The following TBC1D22B variants were observed in gnomAD, a reference collection of about 807,000 sequenced individuals.
TBC1D22B encodes chromosome 6 open reading frame 197.
In TBC1D22B, 32 loss-of-function variants were observed where a neutral mutation model predicts 69.1. The ratio of observed to expected loss-of-function variants is 0.46; its 90% CI spans 0.35 to 0.62. The LOEUF is 0.62. TBC1D22B is among the 20% of genes least tolerant of loss of function. The pLI is 0.00. For synonymous variants in TBC1D22B, 206 were observed against 229.8 expected (o/e 0.90, Z 0.94); for missense variants, 462 against 630.9 (o/e 0.73, Z 2.87).
intron 5 of TBC1D22B, 93 bp from the exon 6 acceptor site, chr6:37,284,243 G>C (rs1766935073): frequency 1.9e-6 from 3 of 1,588,440 alleles, no homozygotes; most frequent in Non-Finnish European, 2.6e-6. Context: ...TTTCCTTCTT[G>C]GTAGTTTCCA....
intron 7 of TBC1D22B, among the ~76,000 whole-genome samples, chr6:37,288,340 C>G (rs1299819393): frequency 1.3e-5 from 2 of 152,184 alleles, no homozygotes; most frequent in African/African-American, 4.8e-5. Context: ...CTCATTTTAA[C>G]TTGGAGATGT....
chr6:37,282,878 A>G lies in TBC1D22B; in HGVS notation c.602-4A>G. 3.7e-6 allele frequency: 6 copies of G among 1,614,054 alleles called. No homozygotes were observed. The highest frequency in any genetic ancestry group is 5.1e-6 in the Non-Finnish European group (6 of 1,179,936). ...AACCTAACAAGGCTGTTTTCTATTT[A>G]CAGATGAACTGAGGAAGTGTAGCTG... On this transcript the variant is annotated splice_polypyrimidine_tract_variant and splice_region_variant and intron_variant, in intron 4 of 12. Transcript: ENST00000373491.
chr6:37,279,623 C>G lies in TBC1D22B; in HGVS notation c.421+12C>G, dbSNP rs550569969. 1.9e-6 allele frequency: 3 copies of G among 1,595,314 alleles called. No individual in the cohort carries two copies. Among genetic ancestry groups the G allele is most frequent in the Admixed American group, 3.5e-5 (2 of 57,130 alleles). On this transcript the variant is annotated intron_variant, in intron 3 of 12. Transcript: ENST00000373491. ...GTCCAGAAACTCTAGTAAGTCCTTC[C>G]TGCTCCCTTCATAGCCTCAGCCTTC...
At position 37,269,717 on chromosome 6, in the gene TBC1D22B, G is replaced by A. The variant is rs527615450; in HGVS notation, c.113+67G>A. On this transcript the variant is annotated intron_variant, in intron 2 of 12. Transcript: ENST00000373491. Reference sequence around the variant, plus strand: ...CCCCTATACCCTCCCCTATTTTGTTGAAATGACAGTTTCCACCTTGACATT... The same window carrying A: ...CCCCTATACCCTCCCCTATTTTGTTAAAATGACAGTTTCCACCTTGACATT... The A allele has an allele frequency of 1.1e-5, 16 of 1,475,096 alleles. No homozygotes were observed. In the East Asian group the frequency reaches 3.4e-4, roughly 31 times the overall value. The allele number at this position is 1,475,096 out of a possible 1,614,324, so 91.4% of individuals were successfully genotyped here. A position where few individuals can be genotyped will look rare whatever the true frequency, so the allele number is the denominator to read the frequency against.
At chr6:37,323,070 G>A (rs1768295822) in intron 12 of TBC1D22B, among the ~76,000 whole-genome samples, 1 of 151,862 alleles carries the variant, frequency 6.6e-6, no homozygotes, top group South Asian at 2.1e-4. Context: ...ATTCTAAAAA[G>A]TCATCTCGGG....
chr6:37,317,779 G>A (rs1481683311), intron 12 of TBC1D22B, among the ~76,000 whole-genome samples: 1 of 152,146 alleles, frequency 6.6e-6, no homozygotes, highest in Non-Finnish European at 1.5e-5. Flanking sequence ...GCAAAGACCT[G>A]GGGAAGGTGA....
intron 8 of TBC1D22B, chr6:37,295,639 G>A: frequency 2.3e-6 from 1 of 434,604 alleles, no homozygotes; most frequent in South Asian, 1.9e-5. Flanking sequence ...CAATGGCACT[G>A]TCATCAAGGT....
intron 12 of TBC1D22B, among the ~76,000 whole-genome samples, chr6:37,325,540 C>CT (rs70977648): frequency 0.011 from 835 of 77,162 alleles, 50 homozygotes; most frequent in Non-Finnish European, 0.016. Context: ...ATCGTTTCTA[C>CT]TTTTTTTTTT....
chr6:37,307,768 G>A (rs550388004), intron 8 of TBC1D22B, among the ~76,000 whole-genome samples: 1 of 152,322 alleles, frequency 6.6e-6, no homozygotes, highest in East Asian at 1.9e-4. Context: ...GCCATCTGCA[G>A]CTGAGGCGTT....
chr6:37,293,637 G>A (rs1020698851), intron 8 of TBC1D22B, among the ~76,000 whole-genome samples: 2 of 152,120 alleles, frequency 1.3e-5, no homozygotes, highest in Non-Finnish European at 2.9e-5. Context: ...AAGTGTTCAA[G>A]GGAAAGGAAG....
At chr6:37,298,545 T>G (rs1158614001) in intron 8 of TBC1D22B, among the ~76,000 whole-genome samples, 6 of 138,920 alleles carry the variant, frequency 4.3e-5, no homozygotes, top group South Asian at 2.4e-4. Flanking sequence ...TACAGTTTTT[T>G]TTTTTTTTTT....
At chr6:37,299,333 T>C (rs1311310877) in intron 8 of TBC1D22B, among the ~76,000 whole-genome samples, 1 of 152,260 alleles carries the variant, frequency 6.6e-6, no homozygotes, top group East Asian at 1.9e-4. Flanking sequence ...GTGTTAAAAA[T>C]ATTAGGTTGA....
intron 1 of TBC1D22B, chr6:37,258,290 T>G: frequency 6.0e-6 from 2 of 334,712 alleles, no homozygotes; most frequent in Admixed American, 4.7e-5. Context: ...GTCTCGGAAG[T>G]TCCTCCCCAG....
intron 7 of TBC1D22B, among the ~76,000 whole-genome samples, chr6:37,290,833 A>T (rs1012578359): frequency 5.9e-5 from 9 of 152,106 alleles, no homozygotes; most frequent in African/African-American, 2.2e-4. Flanking sequence ...ATGACCAAAA[A>T]AAAAAAAATT....
intron 1 of TBC1D22B, among the ~76,000 whole-genome samples, chr6:37,266,930 C>CTTTTTTTTTTTTT (rs35702920): frequency 1.8e-5 from 1 of 54,856 alleles, no homozygotes; most frequent in African/African-American, 7.5e-5. Flanking sequence ...TTTTCTTCGT[C>CTTTTTTTTTTTTT]TTTTTTTTTT....
intron 6 of TBC1D22B, among the ~76,000 whole-genome samples, chr6:37,285,369 G>C (rs986117476): frequency 8.9e-6 from 1 of 112,626 alleles, no homozygotes; most frequent in Non-Finnish European, 1.6e-5. Flanking sequence ...CTGTCGTCCA[G>C]GCTGGAGTGC....
Position 37,287,178 on chromosome 6 carries a change from C to T in TBC1D22B, c.867+106C>T, listed in dbSNP as rs569271095. The T allele has an allele frequency of 3.2e-5, 26 of 808,120 alleles. No homozygotes were observed. The East Asian group carries it at 5.9e-4, about 18-fold the overall frequency. 50.1% of individuals were successfully genotyped at this position (808,120 alleles called of 1,614,324 possible). Reference sequence around the variant, plus strand: ...TAATAGTACCTTATGTTCATATATGCAGCTTTGGTTCCTTCAGAGCATGGT... The same window carrying T: ...TAATAGTACCTTATGTTCATATATGTAGCTTTGGTTCCTTCAGAGCATGGT... On this transcript the variant is annotated intron_variant, in intron 7 of 12. Coordinates refer to ENST00000373491, the MANE Select transcript of TBC1D22B (RefSeq NM_017772.4).
chr6:37,297,233 A>C (rs572543004), intron 8 of TBC1D22B, among the ~76,000 whole-genome samples: 1 of 152,326 alleles, frequency 6.6e-6, no homozygotes, highest in South Asian at 2.1e-4. Flanking sequence ...AAATCTATTC[A>C]ACAGTTTGAA....
At chr6:37,290,930 GAATTA>G (rs1324022383) in intron 7 of TBC1D22B, among the ~76,000 whole-genome samples, 1 of 152,164 alleles carries the variant, frequency 6.6e-6, no homozygotes, top group Non-Finnish European at 1.5e-5. Context: ...GTGGTGGCCT[GAATTA>G]ACAGCATTCA....
Sources: allele counts gnomAD v4.1 joint callset (sites outside exome capture counted in the v4.1 genomes callset), GRCh38; gene constraint gnomAD v4.1.1; transcripts MANE v1.5; gene names NCBI Gene and HGNC (gene_info 2026-07-23, HGNC 2026-07-21).